The following CHD9 variants were observed in gnomAD, a reference collection of about 807,000 sequenced individuals.
CHD9 encodes chromodomain helicase DNA binding protein 9.
CHD9 carries 77 observed loss-of-function variants against 316.1 expected under a neutral mutation model. The ratio of observed to expected loss-of-function variants is 0.24; its 90% confidence interval spans 0.20 to 0.29. The LOEUF is 0.29. CHD9 is among the 10% of genes least tolerant of loss of function. The pLI, the probability that CHD9 is intolerant of heterozygous loss-of-function variation, is 1.00. For synonymous variants in CHD9, 1,129 were observed against 1,158.3 expected (o/e 0.97, Z 0.51); for missense variants, 2,763 against 3,438.1 (o/e 0.80, Z 4.91).
intron 2 of CHD9, among the ~76,000 whole-genome samples, chr16:53,201,740 C>A (rs2045473836): frequency 6.6e-6 from 1 of 152,086 alleles, no homozygotes; most frequent in African/African-American, 2.4e-5. Context: ...AATATAGCCA[C>A]CCCCTCCATG....
intron 38 of CHD9, among the ~76,000 whole-genome samples, chr16:53,323,323 G>A (rs2057390014): frequency 6.6e-6 from 1 of 152,180 alleles, no homozygotes; most frequent in Non-Finnish European, 1.5e-5. Context: ...AAAATTTCAA[G>A]TTACATATGT....
chr16:53,285,642 G>T lies in CHD9; in HGVS notation c.5014G>T (p.Ala1672Ser), dbSNP rs768024229. 4.4e-6 allele frequency: 7 copies of T among 1,607,782 alleles called. No homozygotes were observed. Among genetic ancestry groups the T allele is most frequent in the Non-Finnish European group, 5.1e-6 (6 of 1,176,722 alleles). Residue 1672 changes from alanine to serine, a missense_variant, in exon 25 of 39, where the codon GCT becomes TCT. Transcript: ENST00000447540. ...AGAACCAGACCACTCAGAAGTTCCT[G>T]CTGAGTGGTGGGATTTTGATGCTGA... is the stretch of plus-strand genomic sequence containing the variant. ...VPEPDHSEVP[A>S]EWWDFDADKS...
chr16:53,203,820 G>A, intron 2 of CHD9, among the ~76,000 whole-genome samples: 1 of 151,560 alleles, frequency 6.6e-6, no homozygotes. Context: ...TCAGGAGATC[G>A]AGACCATCCT....
At position 53,156,224 on chromosome 16, in the gene CHD9, T is replaced by C. The variant is rs2041511623; in HGVS notation, c.135T>C (p.Phe45=). ...ATGAATTGAATTTGGGTGCAGAATT[T>C]GAACCGTTGCACATAGATTCACTGA... is the stretch of plus-strand genomic sequence containing the variant. ...LVDELNLGAE[F]EPLHIDSLNH... Residue 45 remains phenylalanine, a synonymous_variant, in exon 2 of 39, where the codon TTT becomes TTC. Transcript: ENST00000447540. 6.2e-7 allele frequency: 1 copy of C among 1,613,910 alleles called. No homozygotes were observed. The highest frequency in any genetic ancestry group is 1.3e-5 in the African/African-American group (1 of 74,952).
intron 1 of CHD9, among the ~76,000 whole-genome samples, chr16:53,140,796 C>T (rs1335822478): frequency 6.6e-6 from 1 of 152,202 alleles, no homozygotes; most frequent in Admixed American, 6.5e-5. Flanking sequence ...TCGCTGTGTG[C>T]CCAGGCTGGT....
Position 53,306,975 on chromosome 16 carries a change from T to C in CHD9, c.6780+578T>C, listed in dbSNP as rs146057615. Among the ~76,000 whole-genome samples, 806 of 152,200 alleles carry C rather than the reference T, an allele frequency of 5.3e-3. 4 individuals carry two copies. The highest frequency in any genetic ancestry group is 8.7e-3 in the Non-Finnish European group (591 of 68,004). On this transcript the variant is annotated intron_variant, in intron 32 of 38. Coordinates refer to ENST00000447540, the MANE Select transcript of CHD9 (RefSeq NM_001308319.2). ...TTGTATTTTTAGCTGAGACAGGGTT[T>C]CACCATGTCGGCCAGGATGGTCTCG...
At chr16:53,279,130 T>C (rs1467462575) in intron 24 of CHD9, among the ~76,000 whole-genome samples, 4 of 152,008 alleles carry the variant, frequency 2.6e-5, no homozygotes, top group Admixed American at 6.6e-5. Context: ...CAGTGATAGA[T>C]TGGATTAAGA....
At chr16:53,314,154 G>A (rs1263721599) in intron 34 of CHD9, among the ~76,000 whole-genome samples, 1 of 151,746 alleles carries the variant, frequency 6.6e-6, no homozygotes, top group Non-Finnish European at 1.5e-5. Context: ...GTGAATATCG[G>A]GAAAAAAAAT....
At chr16:53,230,658 C>T (rs989685134) in intron 8 of CHD9, among the ~76,000 whole-genome samples, 3 of 151,476 alleles carry the variant, frequency 2.0e-5, no homozygotes, top group Non-Finnish European at 2.9e-5. Context: ...AGTAAAGGAG[C>T]GATATATAAG....
At chr16:53,129,747 C>T (rs987224657) in intron 1 of CHD9, among the ~76,000 whole-genome samples, 2 of 152,194 alleles carry the variant, frequency 1.3e-5, no homozygotes, top group African/African-American at 4.8e-5. Flanking sequence ...ACATTTAATT[C>T]TTTTGTCTAG....
intron 29 of CHD9, 29 bp downstream of exon 29, chr16:53,293,081 T>C: frequency 6.5e-7 from 1 of 1,542,822 alleles, no homozygotes; most frequent in South Asian, 1.2e-5. Flanking sequence ...ATTTTTAATG[T>C]ATTGTCTAAA....
chr16:53,182,807 T>C (rs1034293331), intron 2 of CHD9, among the ~76,000 whole-genome samples: 5 of 152,318 alleles, frequency 3.3e-5, no homozygotes, highest in African/African-American at 1.2e-4. Context: ...TATTCTTAAT[T>C]CTTTTAAGAA....
chr16:53,179,605 A>G (rs527366334), intron 2 of CHD9, among the ~76,000 whole-genome samples: 1 of 152,266 alleles, frequency 6.6e-6, no homozygotes, highest in African/African-American at 2.4e-5. Context: ...TAAAAAATTA[A>G]TAATTAAGCA....
chr16:53,061,092 A>G (rs1474764135), intron 1 of CHD9, among the ~76,000 whole-genome samples: 2 of 151,852 alleles, frequency 1.3e-5, no homozygotes, highest in African/African-American at 4.8e-5. Context: ...ATGCCTGGCT[A>G]ATTTTTGTGT....
intron 2 of CHD9, among the ~76,000 whole-genome samples, chr16:53,193,315 G>A (rs141027635): frequency 0.011 from 1,738 of 152,126 alleles, 31 homozygotes; most frequent in African/African-American, 0.04. Flanking sequence ...CGGGCGTGGT[G>A]GCGGGCCCCT....
At chr16:53,228,649 A>G (rs986813362) in intron 7 of CHD9, among the ~76,000 whole-genome samples, 5 of 150,646 alleles carry the variant, frequency 3.3e-5, no homozygotes, top group African/African-American at 1.2e-4. Flanking sequence ...GTTTTAAATC[A>G]CATTAGTTTC....
intron 1 of CHD9, among the ~76,000 whole-genome samples, chr16:53,128,029 G>A (rs2039049788): frequency 6.6e-6 from 1 of 151,676 alleles, no homozygotes; most frequent in Admixed American, 6.6e-5. Context: ...CACATTGCTT[G>A]GGACTAAATT....
chr16:53,198,606 G>A (rs566397908), intron 2 of CHD9, among the ~76,000 whole-genome samples: 38 of 151,766 alleles, frequency 2.5e-4, no homozygotes, highest in African/African-American at 7.5e-4. Context: ...GATTACAGGC[G>A]TGAGCCACCA....
intron 3 of CHD9, among the ~76,000 whole-genome samples, chr16:53,213,932 G>A (rs1224712459): frequency 6.6e-6 from 1 of 152,034 alleles, no homozygotes; most frequent in Non-Finnish European, 1.5e-5. Context: ...CTTTGTATGT[G>A]TTACAGGAAT....
Sources: gnomAD v4.1 joint callset for allele counts (sites outside exome capture counted in the v4.1 genomes callset) on GRCh38, gnomAD v4.1.1 for gene constraint, MANE v1.5 for transcripts, NCBI Gene and HGNC (gene_info 2026-07-23, HGNC 2026-07-21) for gene names.